Variants in ABR observed in about 807,000 individuals in gnomAD.
The protein encoded by ABR is ABR activator of RhoGEF and GTPase, also known as active breakpoint cluster region-related protein.
Under a neutral mutation model 107.2 loss-of-function variants are expected in ABR, and 35 were observed. That is an observed-to-expected ratio of 0.33 (90% CI 0.25 to 0.43). The LOEUF is 0.43. ABR is among the 20% of genes least tolerant of loss of function. The pLI is 1.00. For missense variants in ABR, 815 were observed against 1,115.2 expected, an observed-to-expected ratio of 0.73 and a Z score of 3.83; for synonymous variants, 498 against 462.0, an observed-to-expected ratio of 1.08 and a Z score of -1.00.
Position 1,035,680 on chromosome 17 carries a change from C to T in ABR, c.1791+14370G>A, listed in dbSNP as rs543473256. Among the ~76,000 whole-genome samples the T allele has an allele frequency of 6.9e-5, 6 of 86,604 alleles. No individual in the cohort carries two copies. In the South Asian group the frequency reaches 1.8e-3, roughly 26 times the overall value. 56.8% of individuals were successfully genotyped at this position (86,604 alleles called of 152,430 possible). A position where few individuals can be genotyped will look rare whatever the true frequency, so the allele number is the denominator to read the frequency against. On this transcript the variant is annotated intron_variant, in intron 16 of 22. Transcript: ENST00000302538. ...CCTCAGACGACCTGCAAGACTCCCC[C>T]GGCTGGATAAACAGAGCCTGGTGGT...
At chr17:1,105,682 T>C (rs1177558802) in intron 2 of ABR, among the ~76,000 whole-genome samples, 1 of 152,182 alleles carries the variant, frequency 6.6e-6, no homozygotes, top group East Asian at 1.9e-4. Context: ...CAGACTAGCA[T>C]GGGCAACATG....
intron 16 of ABR, among the ~76,000 whole-genome samples, chr17:1,018,728 C>T (rs183957111): frequency 1.6e-4 from 24 of 152,330 alleles, no homozygotes; most frequent in Admixed American, 8.5e-4. Context: ...CCACACCTGA[C>T]TCACAGGGCT....
At chr17:1,012,020 C>T (rs753857811) in intron 18 of ABR, 35 bp from the exon 19 acceptor site, 7 of 1,609,002 alleles carry the variant, frequency 4.4e-6, no homozygotes, top group Non-Finnish European at 5.1e-6. Flanking sequence ...GGAGGGCAGC[C>T]CCCACGACAG....
rs568430829 is a variant in ABR, at chr17:1,053,714, T to G, written c.1561+2321A>C. 2.1e-3 allele frequency among the ~76,000 whole-genome samples: 323 copies of G among 151,928 alleles called. 1 individual carries two copies. Among genetic ancestry groups the G allele is most frequent in the African/African-American group, 7.5e-3 (309 of 41,404 alleles). On this transcript the variant is annotated intron_variant, in intron 14 of 22. Transcript: ENST00000302538. ...GATAATCTGGGGGTAAAGAGAGATT[T>G]TGGAGCAGCTCAGCCGGCTCTGACA...
At chr17:1,163,308 T>C (rs2041380477) in intron 1 of ABR, among the ~76,000 whole-genome samples, 1 of 152,240 alleles carries the variant, frequency 6.6e-6, no homozygotes, top group South Asian at 2.1e-4. Context: ...CGACTCTGTA[T>C]CGACCCTGTA....
At chr17:1,151,110 T>G (rs1303344958) in intron 1 of ABR, among the ~76,000 whole-genome samples, 1 of 152,196 alleles carries the variant, frequency 6.6e-6, no homozygotes, top group South Asian at 2.1e-4. Flanking sequence ...TCTGTGCCTC[T>G]GTTTTACCTT....
At chr17:1,019,182 A>G (rs73283468) in intron 16 of ABR, among the ~76,000 whole-genome samples, 2,997 of 152,204 alleles carry the variant, frequency 0.02, 94 homozygotes, top group African/African-American at 0.065. Context: ...CAACCTGGGC[A>G]CATCTGACCC....
chr17:1,175,697 G>C (rs1192490363), intron 1 of ABR, among the ~76,000 whole-genome samples: 1 of 152,192 alleles, frequency 6.6e-6, no homozygotes, highest in Non-Finnish European at 1.5e-5. Flanking sequence ...TGGAGGGTTT[G>C]CTGCCCAACC....
At chr17:1,098,265 A>G (rs1382509924) in intron 3 of ABR, among the ~76,000 whole-genome samples, 3 of 151,758 alleles carry the variant, frequency 2.0e-5, no homozygotes, top group African/African-American at 7.3e-5. Flanking sequence ...TTTAGTAGAG[A>G]CGGGGTTTCA....
rs115091150 is a variant in ABR, at chr17:1,060,971, G to A, written c.1183-2104C>T. Among the ~76,000 whole-genome samples, 442 of 152,068 alleles carry A rather than the reference G, an allele frequency of 2.9e-3. 2 individuals carry two copies. Among genetic ancestry groups the A allele is most frequent in the African/African-American group, 9.9e-3 (410 of 41,494 alleles). On this transcript the variant is annotated intron_variant, in intron 10 of 22. Coordinates refer to ENST00000302538, the MANE Select transcript of ABR (RefSeq NM_021962.5). The stretch of plus-strand genomic sequence containing the variant: ...TGTGCCACTGCACTCCAGCCTGGGC[G>A]ACAGTGACAAAGTGAGACTCCATCT...
Position 1,051,628 on chromosome 17 carries a change from T to C in ABR, c.1562-994A>G, listed in dbSNP as rs1030026135. 3.9e-5 allele frequency among the ~76,000 whole-genome samples: 6 copies of C among 152,170 alleles called. No individual in the cohort carries two copies. The highest frequency in any genetic ancestry group is 3.9e-4 in the East Asian group (2 of 5,194). On this transcript the variant is annotated intron_variant, in intron 14 of 22. Transcript: ENST00000302538. This position sits in a 1 kb window ranked among gnomAD's most constrained non-coding sequence, Gnocchi z 4.3. ...GGAGATGCCGAGGTTGTTCCCAGGG[T>C]ACCAGAGGTGGTGTGGGAGGTGCCT...
At position 1,005,072 on chromosome 17, in the gene ABR, G is replaced by A. The variant is rs945059762; in HGVS notation, c.*1008C>T. ...CTCCTAAGAGCTGAGCTGCCTCCCC[G>A]CGACCCGGGACACCCAGCGTGGCAT... On this transcript the variant is annotated 3_prime_UTR_variant, in exon 23 of 23. Coordinates refer to ENST00000302538, the MANE Select transcript of ABR (RefSeq NM_021962.5). 5.0e-5 allele frequency: 20 copies of A among 398,740 alleles called. No individual in the cohort carries two copies. The highest frequency in any genetic ancestry group is 3.9e-4 in the African/African-American group (19 of 48,604). 24.7% of individuals were successfully genotyped at this position (398,740 alleles called of 1,614,324 possible). A position where few individuals can be genotyped will look rare whatever the true frequency, so the allele number is the denominator to read the frequency against.
chr17:1,165,752 C>T (rs906835147), intron 1 of ABR, among the ~76,000 whole-genome samples: 3 of 152,196 alleles, frequency 2.0e-5, no homozygotes, highest in African/African-American at 4.8e-5. Flanking sequence ...AAGCTGGTCT[C>T]GAACTCATGA....
chr17:1,123,521 G>A (rs918503445), intron 2 of ABR, among the ~76,000 whole-genome samples: 1 of 152,160 alleles, frequency 6.6e-6, no homozygotes, highest in Non-Finnish European at 1.5e-5. Flanking sequence ...TCGGAAAATC[G>A]ACGGACACGG....
At chr17:1,062,538 G>A (rs1438347390) in intron 10 of ABR, among the ~76,000 whole-genome samples, 1 of 127,782 alleles carries the variant, frequency 7.8e-6, no homozygotes, top group Non-Finnish European at 1.7e-5. Flanking sequence ...AGACACTGTT[G>A]TTATGTGAAC....
Position 1,108,902 on chromosome 17 carries a change from C to T in ABR, c.247-8167G>A, listed in dbSNP as rs1248463514. 3.2e-6 allele frequency: 5 copies of T among 1,558,886 alleles called. No homozygotes were observed. In the East Asian group the frequency reaches 1.0e-4, roughly 32 times the overall value. Reference sequence around the variant, plus strand: ...ACCTTCGGCAGCGCCGGCCCGGCCCCCCCCAGCGCCCAGGGCGTGTCACGC... The same window carrying T: ...ACCTTCGGCAGCGCCGGCCCGGCCCTCCCCAGCGCCCAGGGCGTGTCACGC... On this transcript the variant is annotated intron_variant, in intron 2 of 22. Transcript: ENST00000302538.
chr17:1,222,901 C>T (rs1342228100), intron 1 of ABR, among the ~76,000 whole-genome samples: 1 of 151,822 alleles, frequency 6.6e-6, no homozygotes, highest in African/African-American at 2.4e-5. Flanking sequence ...AGAGTAAGAC[C>T]CTGTCTTAAA....
In ABR at chr17:1,010,052, C is replaced by T; in HGVS notation, c.2237-268G>A. ...CAGCTGACTGCATAGGCCTTGGGTG[C>T]TGGGGCATCCCCTGTCTCGTAACAG... On this transcript the variant is annotated intron_variant, in intron 20 of 22. Coordinates refer to ENST00000302538, the MANE Select transcript of ABR (RefSeq NM_021962.5). This position sits in a 1 kb window ranked among gnomAD's most constrained non-coding sequence, Gnocchi z 4.1. 1.8e-6 allele frequency: 1 copy of T among 558,184 alleles called. No homozygotes were observed. The highest frequency in any genetic ancestry group is 3.2e-6 in the Non-Finnish European group (1 of 310,736). 34.6% of individuals were successfully genotyped at this position (558,184 alleles called of 1,614,324 possible).
At chr17:1,031,859 TCCCTCCCTCCCCGCGCTC>T (rs1481369746) in intron 16 of ABR, 2 of 774,876 alleles carry the variant, frequency 2.6e-6, no homozygotes, top group Non-Finnish European at 3.1e-6. Flanking sequence ...CCTCCCTCCC[TCCCTCCCTCCCCGCGCTC>T]CCCTCCCTCC....
Sources: allele counts gnomAD v4.1 joint callset (sites outside exome capture counted in the v4.1 genomes callset), GRCh38; gene constraint gnomAD v4.1.1; non-coding constraint Gnocchi (gnomAD v3.1); transcripts MANE v1.5; gene names NCBI Gene and HGNC (gene_info 2026-07-23, HGNC 2026-07-21).